The following RAP1GAP variants were observed in gnomAD, a reference collection of about 807,000 sequenced individuals.
RAP1GAP encodes the protein RAP1 GTPase activating protein, also known as rap1 GTPase-activating protein 1.
RAP1GAP carries 35 observed loss-of-function variants against 87.2 expected under a neutral mutation model. The ratio of observed to expected loss-of-function variants is 0.40; its 90% CI spans 0.31 to 0.53. RAP1GAP has a LOEUF of 0.53. RAP1GAP is among the 20% of genes least tolerant of loss of function. RAP1GAP has a pLI of 0.48. For synonymous variants in RAP1GAP, 375 were observed against 363.9 expected (o/e 1.03, Z -0.35); for missense variants, 734 against 898.9 (o/e 0.82, Z 2.35).
intron 7 of RAP1GAP, 141 bp downstream of exon 7, chr1:21,617,165 T>C: frequency 1.1e-6 from 1 of 910,918 alleles, no homozygotes; most frequent in Non-Finnish European, 1.6e-6. Context: ...GGAGTGTGTG[T>C]GGTGGGAGCA....
Position 21,668,950 on chromosome 1 carries a change from C to T in RAP1GAP, c.-149+304G>A, listed in dbSNP as rs986350012. Among the ~76,000 whole-genome samples, 3 of 151,634 alleles carry T rather than the reference C, an allele frequency of 2.0e-5. No homozygotes were observed. Among genetic ancestry groups the T allele is most frequent in the Non-Finnish European group, 4.4e-5 (3 of 67,770 alleles). On this transcript the variant is annotated intron_variant, in intron 1 of 24. Transcript: ENST00000374765. The surrounding 1 kb of genome is among the most constrained non-coding windows in gnomAD (Gnocchi z 6.2). ...TCGAGGTGGGCGGAAAACTGGACTCCCCACCCACCCAGGGGGGTGGGACCA... is the reference window on the plus strand; with the variant it reads ...TCGAGGTGGGCGGAAAACTGGACTCTCCACCCACCCAGGGGGGTGGGACCA...
At chr1:21,616,577 T>C (rs2082305097) in intron 7 of RAP1GAP, among the ~76,000 whole-genome samples, 1 of 152,256 alleles carries the variant, frequency 6.6e-6, no homozygotes, top group Non-Finnish European at 1.5e-5. Context: ...ATTTTGGCTC[T>C]ATGCTGACGA....
intron 2 of RAP1GAP, 26 bp from the exon 3 acceptor site, chr1:21,626,423 G>A: frequency 6.3e-7 from 1 of 1,581,172 alleles, no homozygotes; most frequent in Non-Finnish European, 8.7e-7. Flanking sequence ...TCTGAGGTCA[G>A]GGAGAGCCCC....
At chr1:21,606,417 C>T (rs1489309717) in intron 17 of RAP1GAP, among the ~76,000 whole-genome samples, 1 of 152,200 alleles carries the variant, frequency 6.6e-6, no homozygotes, top group Non-Finnish European at 1.5e-5. Flanking sequence ...ACATACGGGG[C>T]CTAAGGGTAG....
At chr1:21,614,121 G>T in intron 7 of RAP1GAP, 32 bp from the exon 8 acceptor site, 1 of 1,459,498 alleles carries the variant, frequency 6.9e-7, no homozygotes, top group Non-Finnish European at 9.5e-7. Flanking sequence ...AGGGGAGTGG[G>T]TGAGGCTGAG....
rs554537315 is a variant in RAP1GAP, at chr1:21,636,398, C to T, written c.-112-10001G>A. On this transcript the variant is annotated intron_variant, in intron 2 of 24. Coordinates refer to ENST00000374765, the MANE Select transcript of RAP1GAP (RefSeq NM_002885.4). ...TCACCATGAGCATTTCTTGGCCTTC[C>T]CTTCTCTTCCTTCCTTTCTTCCTTC... Among the ~76,000 whole-genome samples the T allele has an allele frequency of 3.7e-4, 57 of 152,350 alleles. No homozygotes were observed. The South Asian group carries it at 4.1e-3, about 11-fold the overall frequency.
At chr1:21,642,875 TACACACACACACACACACACACAC>T (rs61497285) in intron 2 of RAP1GAP, among the ~76,000 whole-genome samples, 1 of 134,226 alleles carries the variant, frequency 7.5e-6, no homozygotes, top group Non-Finnish European at 1.6e-5. Flanking sequence ...CCTTCCCCAC[TACACACACACACACACACACACAC>T]ACACACACAC....
intron 7 of RAP1GAP, among the ~76,000 whole-genome samples, chr1:21,616,721 T>C (rs933233208): frequency 6.6e-6 from 1 of 152,204 alleles, no homozygotes; most frequent in Non-Finnish European, 1.5e-5. Flanking sequence ...AGGGGCTGCA[T>C]CAACCCATGA....
intron 1 of RAP1GAP, among the ~76,000 whole-genome samples, chr1:21,656,895 G>A (rs2096888301): frequency 6.6e-6 from 1 of 152,216 alleles, no homozygotes; most frequent in Non-Finnish European, 1.5e-5. Context: ...CCTTCTGGAG[G>A]CAGCACCCAG....
Position 21,606,205 on chromosome 1 carries a change from G to A in RAP1GAP, c.1297-8C>T. ...GCGGCTCCGGATGACCCGCTGTGAA[G>A]GGGGTGGCAGTGGAGGAGGCACAGG... is the stretch of plus-strand genomic sequence containing the variant. On this transcript the variant is annotated splice_polypyrimidine_tract_variant and splice_region_variant and intron_variant, in intron 17 of 24. Transcript: ENST00000374765. The A allele has an allele frequency of 1.3e-6, 2 of 1,574,750 alleles. No homozygotes were observed. Among genetic ancestry groups the A allele is most frequent in the South Asian group, 1.2e-5 (1 of 86,332 alleles).
intron 3 of RAP1GAP, among the ~76,000 whole-genome samples, chr1:21,624,846 CT>C (rs2091182659): frequency 1.5e-4 from 1 of 6,566 alleles, no homozygotes; most frequent in Non-Finnish European, 7.4e-4. Flanking sequence ...ATGGGCTGCT[CT>C]CTCTCTCTCT....
chr1:21,659,559 G>A (rs1296495948), intron 1 of RAP1GAP, among the ~76,000 whole-genome samples: 1 of 152,170 alleles, frequency 6.6e-6, no homozygotes, highest in East Asian at 1.9e-4. Context: ...CCCCTCCCGC[G>A]GGACCCGTTC....
Position 21,606,195 on chromosome 1 carries a change from C to G in RAP1GAP, c.1299G>C (p.Arg433=). 6.3e-7 allele frequency: 1 copy of G among 1,579,330 alleles called. No homozygotes were observed. Among genetic ancestry groups the G allele is most frequent in the African/African-American group, 1.3e-5 (1 of 74,652 alleles). Residue 433 remains arginine, a splice_region_variant and synonymous_variant, in exon 18 of 25, where the codon CGG becomes CGC. Coordinates refer to ENST00000374765, the MANE Select transcript of RAP1GAP (RefSeq NM_002885.4). ...GGGGFFESFK[R]VIRSRSQSMD... ...TGGACTGGCTGCGGCTCCGGATGAC[C>G]CGCTGTGAAGGGGGTGGCAGTGGAG...
chr1:21,656,998 A>G (rs1422254199), intron 1 of RAP1GAP, among the ~76,000 whole-genome samples: 1 of 152,222 alleles, frequency 6.6e-6, no homozygotes, highest in African/African-American at 2.4e-5. Flanking sequence ...TGTGGCTGAC[A>G]CTATTCAGAC....
chr1:21,654,831 TAAAAAGAAAAGA>T (rs2096794035), intron 1 of RAP1GAP, among the ~76,000 whole-genome samples: 1 of 134,352 alleles, frequency 7.4e-6, no homozygotes, highest in Non-Finnish European at 1.6e-5. Context: ...GACCCTGTCT[TAAAAAGAAAAGA>T]AAAAAGAAAA....
At chr1:21,641,353 C>T (rs1295354980) in intron 2 of RAP1GAP, among the ~76,000 whole-genome samples, 3 of 152,138 alleles carry the variant, frequency 2.0e-5, no homozygotes, top group Non-Finnish European at 2.9e-5. Context: ...TTCCTGCCCC[C>T]AATCCTTTAC....
chr1:21,630,290 C>T (rs1047071489), intron 2 of RAP1GAP, among the ~76,000 whole-genome samples: 7 of 149,238 alleles, frequency 4.7e-5, no homozygotes, highest in African/African-American at 1.7e-4. Context: ...TTTTTTGAGA[C>T]AGGATCTTGC....
intron 6 of RAP1GAP, 136 bp from the exon 7 acceptor site, chr1:21,617,627 C>A: frequency 1.9e-6 from 2 of 1,072,070 alleles, no homozygotes; most frequent in South Asian, 3.3e-5. Context: ...CCTGTGTGGG[C>A]CCCAGGGTTC....
At chr1:21,658,219 A>G (rs1247969457) in intron 1 of RAP1GAP, among the ~76,000 whole-genome samples, 2 of 152,222 alleles carry the variant, frequency 1.3e-5, no homozygotes, top group African/African-American at 2.4e-5. Context: ...AGGTGCAGCT[A>G]CTGAAGTCAT....
Sources: allele counts gnomAD v4.1 joint callset (sites outside exome capture counted in the v4.1 genomes callset), GRCh38; gene constraint gnomAD v4.1.1; non-coding constraint Gnocchi (gnomAD v3.1); transcripts MANE v1.5; gene names NCBI Gene and HGNC (gene_info 2026-07-23, HGNC 2026-07-21).